ZFHX3: variants seen among roughly 807,000 people sequenced by gnomAD.
ZFHX3 encodes the protein zinc finger homeobox protein 3.
ZFHX3 carries 42 observed loss-of-function variants against 279.1 expected under a neutral mutation model. The observed-to-expected ratio is 0.15, with a 90% confidence interval of 0.12 to 0.19. The LOEUF is 0.19. Among genes scored for constraint, ZFHX3 ranks in the 10% least tolerant of loss-of-function variants. ZFHX3 has a pLI of 1.00. For synonymous variants in ZFHX3, 2,293 were observed against 1,957.8 expected (o/e 1.17, Z -4.52); for missense variants, 4,981 against 4,754.0 (o/e 1.05, Z -1.40).
chr16:73,117,620 G>T (rs760291029), intron 7 of ZFHX3, among the ~76,000 whole-genome samples: 3 of 152,198 alleles, frequency 2.0e-5, no homozygotes, highest in Admixed American at 6.5e-5. Flanking sequence ...GTCTGCAATT[G>T]TTTAAATTGT....
chr16:72,919,329 T>C (rs1250210713), intron 3 of ZFHX3, among the ~76,000 whole-genome samples: 2 of 152,066 alleles, frequency 1.3e-5, no homozygotes, highest in Non-Finnish European at 2.9e-5. Context: ...TGGCTAATTT[T>C]TGTATTTTTT....
At chr16:73,102,232 GCTCTTGCAGAT>G (rs1966240803) in intron 7 of ZFHX3, among the ~76,000 whole-genome samples, 1 of 152,090 alleles carries the variant, frequency 6.6e-6, no homozygotes, top group African/African-American at 2.4e-5. Flanking sequence ...CCTCACGATT[GCTCTTGCAGAT>G]GAAGAACTTG....
At position 72,958,550 on chromosome 16, in the gene ZFHX3, G is replaced by C; in HGVS notation, c.1596C>G (p.Asn532Lys). ...DLALSNQSIS[N>K]SPLMPNVLQT... ...GGAGCACGTTAGGCATTAAGGGGGA[G>C]TTAGAAATGCTTTGGTTTGAGAGAG... The change falls in exon 2 of 10, where the codon AAC becomes AAG. Residue 532 changes from asparagine (N) to lysine (K), a missense_variant. By Grantham distance (94) the Asn-to-Lys change is moderately conservative. This residue lies in a region of ZFHX3 where 1,068 missense variants were observed against 935.2 expected (regional missense o/e 1.14). Coordinates refer to ENST00000268489, the MANE Select transcript of ZFHX3 (RefSeq NM_006885.4). 1.2e-6 allele frequency: 2 copies of C among 1,614,156 alleles called. No homozygotes were observed. Among genetic ancestry groups the C allele is most frequent in the South Asian group, 1.1e-5 (1 of 91,078 alleles).
chr16:73,126,173 TG>T (rs1966566668), intron 7 of ZFHX3, among the ~76,000 whole-genome samples: 1 of 152,108 alleles, frequency 6.6e-6, no homozygotes, highest in African/African-American at 2.4e-5. Context: ...TCCTCCATTC[TG>T]GGAGGCTCTG....
At chr16:73,280,941 C>T (rs750118188) in intron 4 of ZFHX3, among the ~76,000 whole-genome samples, 10 of 150,390 alleles carry the variant, frequency 6.6e-5, no homozygotes, top group South Asian at 2.1e-4. Context: ...GCCAAGATTG[C>T]GCCATTGCAC....
At chr16:73,805,002 A>T (rs1960241137) in intron 1 of ZFHX3, among the ~76,000 whole-genome samples, 1 of 147,482 alleles carries the variant, frequency 6.8e-6, no homozygotes, top group South Asian at 2.1e-4. Flanking sequence ...TATTTATTAT[A>T]TGACTATTTA....
exon 5 of ZFHX3, chr16:73,257,079 CA>C (rs2013681102): frequency 6.6e-6 from 1 of 152,154 alleles, no homozygotes; most frequent in South Asian, 2.1e-4. Flanking sequence ...ATGAAGATAG[CA>C]AGGACTCAAA....
At chr16:73,612,878 ATG>A (rs1350203461) in intron 2 of ZFHX3, among the ~76,000 whole-genome samples, 1 of 152,232 alleles carries the variant, frequency 6.6e-6, no homozygotes, top group Non-Finnish European at 1.5e-5. Context: ...ATAGAAAAAA[ATG>A]ATTTCGATGA....
At chr16:73,525,390 G>T (rs771232278) in intron 2 of ZFHX3, among the ~76,000 whole-genome samples, 1 of 152,138 alleles carries the variant, frequency 6.6e-6, no homozygotes, top group African/African-American at 2.4e-5. Context: ...CTAATGAGAA[G>T]ACCCTCCCTC....
At chr16:73,070,611 G>A (rs922167976) in intron 8 of ZFHX3, among the ~76,000 whole-genome samples, 4 of 152,066 alleles carry the variant, frequency 2.6e-5, no homozygotes, top group East Asian at 1.9e-4. Flanking sequence ...TTCGTCTCCC[G>A]CCCTCCCTCG....
At chr16:73,868,146 G>A (rs1962075987) in intron 1 of ZFHX3, among the ~76,000 whole-genome samples, 1 of 152,202 alleles carries the variant, frequency 6.6e-6, no homozygotes, top group Non-Finnish European at 1.5e-5. Context: ...TTCGGCATGT[G>A]TAACAAAGAG....
rs1238721286 is a variant in ZFHX3, at chr16:72,788,263, A to C, written c.10013T>G (p.Met3338Arg). 3.1e-6 allele frequency: 5 copies of C among 1,614,184 alleles called. No individual in the cohort carries two copies. Among genetic ancestry groups the C allele is most frequent in the Non-Finnish European group, 4.2e-6 (5 of 1,180,040 alleles). ...AGGGCTGTAGGGGAACAGGCCTTCC[A>C]TGCCATACATAGGCTGCAGGTACCC... ...QSGYLQPMYG[M>R]EGLFPYSPAL... Residue 3338 changes from methionine (M) to arginine (R), a missense_variant, in exon 10 of 10, where the codon ATG (methionine) becomes AGG (arginine). Met to Arg is a moderately conservative substitution (Grantham distance 91). Coordinates refer to ENST00000268489, the MANE Select transcript of ZFHX3 (RefSeq NM_006885.4).
intron 3 of ZFHX3, among the ~76,000 whole-genome samples, chr16:73,428,612 G>T (rs2017854556): frequency 6.6e-6 from 1 of 152,104 alleles, no homozygotes; most frequent in Non-Finnish European, 1.5e-5. Context: ...AGCAAATGCA[G>T]GGTCATGTCC....
At chr16:73,105,333 AC>A (rs1966282323) in intron 7 of ZFHX3, among the ~76,000 whole-genome samples, 1 of 142,764 alleles carries the variant, frequency 7.0e-6, no homozygotes, top group African/African-American at 2.8e-5. Flanking sequence ...ACACACACAC[AC>A]ACGTGTGTAT....
chr16:72,994,606 C>G (rs1472657691), intron 1 of ZFHX3, among the ~76,000 whole-genome samples: 1 of 152,236 alleles, frequency 6.6e-6, no homozygotes, highest in Non-Finnish European at 1.5e-5. Flanking sequence ...TGGCAGGGAG[C>G]AGCAGGCTCC....
chr16:73,564,209 T>C (rs1014374591), intron 2 of ZFHX3, among the ~76,000 whole-genome samples: 1 of 152,180 alleles, frequency 6.6e-6, no homozygotes, highest in African/African-American at 2.4e-5. Flanking sequence ...ATCCTGAGTT[T>C]GTGGGAAATA....
chr16:73,307,927 A>G (rs2015221081), intron 4 of ZFHX3, among the ~76,000 whole-genome samples: 1 of 152,060 alleles, frequency 6.6e-6, no homozygotes, highest in Non-Finnish European at 1.5e-5. Context: ...CACTGAACAG[A>G]AAGTTCAGGA....
chr16:73,092,705 C>T (rs764011793), intron 8 of ZFHX3: 2 of 322,712 alleles, frequency 6.2e-6, no homozygotes, highest in African/African-American at 2.2e-5. Flanking sequence ...TGCTCTTGCT[C>T]TCTCGCGCTC....
intron 3 of ZFHX3, among the ~76,000 whole-genome samples, chr16:73,437,221 G>A (rs947483602): frequency 1.3e-5 from 2 of 152,172 alleles, no homozygotes; most frequent in African/African-American, 4.8e-5. Flanking sequence ...GTATTTTGCA[G>A]ATGAAAAAAC....
Sources: allele counts gnomAD v4.1 joint callset (sites outside exome capture counted in the v4.1 genomes callset), GRCh38; gene constraint gnomAD v4.1.1; regional missense constraint gnomAD v4.1.1; transcripts MANE v1.5; gene names NCBI Gene and HGNC (gene_info 2026-07-23, HGNC 2026-07-21).